SPNS1: variants seen among roughly 807,000 people sequenced by gnomAD.
SPNS1 encodes the protein protein spinster homolog 1.
A neutral mutation model predicts 50.3 loss-of-function variants in SPNS1; 22 were observed. The ratio of observed to expected loss-of-function variants is 0.44; its 90% confidence interval spans 0.31 to 0.62. The LOEUF (loss-of-function observed/expected upper bound fraction) is 0.62. Ranked by LOEUF, SPNS1 falls within the 20% of genes least tolerant of loss-of-function variation. The pLI is 0.07. For synonymous variants in SPNS1, 295 were observed against 317.4 expected (o/e 0.93, Z 0.75); for missense variants, 576 against 728.6 (o/e 0.79, Z 2.41).
chr16:28,976,420 A>G (rs945339059), intron 2 of SPNS1, among the ~76,000 whole-genome samples: 1 of 152,022 alleles, frequency 6.6e-6, no homozygotes, highest in Non-Finnish European at 1.5e-5. Flanking sequence ...TTTCTCAACC[A>G]TTTCTGAGTA....
At chr16:28,976,734 CTGGAGCAATGAGAA>C (rs1357678028) in intron 2 of SPNS1, among the ~76,000 whole-genome samples, 1 of 152,154 alleles carries the variant, frequency 6.6e-6, no homozygotes, top group African/African-American at 2.4e-5. Flanking sequence ...GAGGTGAAGT[CTGGAGCAATGAGAA>C]TGGGATCATA....
At chr16:28,978,874 C>G in intron 3 of SPNS1, 1 of 390,646 alleles carries the variant, frequency 2.6e-6, no homozygotes, top group Non-Finnish European at 4.6e-6. Context: ...CAGGGGTTGT[C>G]TTATTTAGAC....
In SPNS1 at chr16:28,983,796, G is replaced by A. The variant is rs766318180; in HGVS notation, c.1331G>A (p.Arg444His). The change falls in exon 11 of 12, where the codon CGC becomes CAC. Residue 444 changes from arginine (R) to histidine (H), a missense_variant. Arg to His is a conservative substitution (Grantham distance 29, BLOSUM62 0). Coordinates refer to ENST00000311008, the MANE Select transcript of SPNS1 (RefSeq NM_032038.3). The surrounding 1 kb of genome is among the most constrained non-coding windows in gnomAD (Gnocchi z 5.4). Reference protein sequence around the residue: ...SPYLIGLISDRLRRNWPPSFL... With the variant: ...SPYLIGLISDHLRRNWPPSFL... ...CTCCTCTCCCTGCAGATCTCTGACC[G>A]CCTGCGCCGGAACTGGCCCCCCTCC... 8.8e-6 allele frequency: 14 copies of A among 1,591,290 alleles called. No individual in the cohort carries two copies. Among genetic ancestry groups the A allele is most frequent in the South Asian group, 2.2e-5 (2 of 89,360 alleles).
chr16:28,978,076 C>A, intron 3 of SPNS1, 32 bp downstream of exon 3: 1 of 1,604,074 alleles, frequency 6.2e-7, no homozygotes, highest in Non-Finnish European at 8.5e-7. Context: ...TGTTTCTGCC[C>A]ACACCCCCTC....
intron 9 of SPNS1, 73 bp downstream of exon 9, chr16:28,982,995 C>T: frequency 6.5e-7 from 1 of 1,530,348 alleles, no homozygotes; most frequent in Non-Finnish European, 9.0e-7. Flanking sequence ...AGTGTTGCCT[C>T]TACCCCTCAA....
At chr16:28,982,328 A>C in intron 7 of SPNS1, 28 bp from the exon 8 acceptor site, 1 of 1,539,166 alleles carries the variant, frequency 6.5e-7, no homozygotes, top group Non-Finnish European at 8.8e-7. Flanking sequence ...ACAGGGACAA[A>C]CCCCCCATTC....
Position 28,977,928 on chromosome 16 carries a change from G to A in SPNS1, c.328G>A (p.Val110Met). ...CCTAGTGTTCATCTCCAGTTACATG[G>A]TGTTGGCACCTGTGTTTGGCTACCT... ...IQTVFISSYM[V>M]LAPVFGYLGD... Residue 110 changes from valine (V) to methionine (M), a missense_variant, in exon 3 of 12, where the codon GTG becomes ATG. Transcript: ENST00000311008. The A allele has an allele frequency of 6.2e-7, 1 of 1,613,864 alleles. No individual in the cohort carries two copies. The highest frequency in any genetic ancestry group is 1.1e-5 in the South Asian group (1 of 91,062).
chr16:28,982,696 C>G (rs1965596090), intron 8 of SPNS1, 151 bp downstream of exon 8: 3 of 1,252,786 alleles, frequency 2.4e-6, no homozygotes, highest in Admixed American at 3.8e-5. Context: ...CTTAACCTCT[C>G]TGTGCTCAGT....
Position 28,984,426 on chromosome 16 carries a change from C to T in SPNS1, c.*127C>T, listed in dbSNP as rs1965687832. The T allele has an allele frequency of 1.1e-6, 1 of 941,888 alleles. No individual in the cohort carries two copies. The highest frequency in any genetic ancestry group is 2.6e-5 in the East Asian group (1 of 38,368). 58.3% of individuals were successfully genotyped at this position (941,888 alleles called of 1,614,324 possible). ...GGACCCTGGGCCGTGTGCCAGCTCCCAGACACTACCTGGGTAGCTCAGGGG... is the reference window on the plus strand; with the variant it reads ...GGACCCTGGGCCGTGTGCCAGCTCCTAGACACTACCTGGGTAGCTCAGGGG... On this transcript the variant is annotated 3_prime_UTR_variant, in exon 12 of 12. Transcript: ENST00000311008.
At position 28,984,410 on chromosome 16, in the gene SPNS1, G is replaced by A. The variant is rs1224256264; in HGVS notation, c.*111G>A. 9.1e-7 allele frequency: 1 copy of A among 1,103,684 alleles called. No homozygotes were observed. The highest frequency in any genetic ancestry group is 1.5e-5 in the African/African-American group (1 of 64,614). 68.4% of individuals were successfully genotyped at this position (1,103,684 alleles called of 1,614,324 possible). A position where few individuals can be genotyped will look rare whatever the true frequency, so the allele number is the denominator to read the frequency against. On this transcript the variant is annotated 3_prime_UTR_variant, in exon 12 of 12. Transcript: ENST00000311008. ...GGCCCAGCTTCCAGAGGGACCCTGGGCCGTGTGCCAGCTCCCAGACACTAC... is the reference window on the plus strand; with the variant it reads ...GGCCCAGCTTCCAGAGGGACCCTGGACCGTGTGCCAGCTCCCAGACACTAC...
In SPNS1 at chr16:28,975,565, G is replaced by T; in HGVS notation, c.307+8G>T. On this transcript the variant is annotated splice_region_variant and intron_variant, in intron 2 of 11. Coordinates refer to ENST00000311008, the MANE Select transcript of SPNS1 (RefSeq NM_032038.3). The stretch of plus-strand genomic sequence containing the variant: ...CTGGGCTCATCCAGACCGGTGAGTG[G>T]GGACCACTCCTGGTCACACAGCCGC... 1 of 1,614,116 alleles carries T rather than the reference G, an allele frequency of 6.2e-7. No homozygotes were observed. The highest frequency in any genetic ancestry group is 8.5e-7 in the Non-Finnish European group (1 of 1,179,982).
At chr16:28,978,921 AGTT>A (rs1321687908) in intron 3 of SPNS1, 5 of 570,346 alleles carry the variant, frequency 8.8e-6, no homozygotes, top group Admixed American at 6.4e-5. Context: ...CTCTGTGAAA[AGTT>A]GTTGTTATCC....
chr16:28,983,604 C>T lies in SPNS1; in HGVS notation c.1321-182C>T, dbSNP rs550517396. ...GCAGCCTCGACCTCCTGGGCTCAAG[C>T]GATCCTCCCACCTCAGCCTCCTGAG... On this transcript the variant is annotated intron_variant, in intron 10 of 11. Transcript: ENST00000311008. The surrounding 1 kb of genome is among the most constrained non-coding windows in gnomAD (Gnocchi z 5.4). Among the ~76,000 whole-genome samples, 9 of 152,274 alleles carry T rather than the reference C, an allele frequency of 5.9e-5. No individual in the cohort carries two copies. The East Asian group carries it at 7.7e-4, about 13-fold the overall frequency.
At chr16:28,982,969 C>CA (rs780318800) in intron 9 of SPNS1, 47 bp downstream of exon 9, 8 of 1,602,514 alleles carry the variant, frequency 5.0e-6, no homozygotes, top group South Asian at 3.3e-5. Context: ...CTGATGAGAG[C>CA]AGAGTTGGGG....
chr16:28,978,845 C>A, intron 3 of SPNS1: 6 of 295,490 alleles, frequency 2.0e-5, no homozygotes, highest in Non-Finnish European at 3.2e-5. Flanking sequence ...AATTAAAAAA[C>A]TTTCCCCTAC....
Position 28,978,059 on chromosome 16 carries a change from T to A in SPNS1, c.444+15T>A. 6.2e-7 allele frequency: 1 copy of A among 1,610,444 alleles called. No homozygotes were observed. Among genetic ancestry groups the A allele is most frequent in the Non-Finnish European group, 8.5e-7 (1 of 1,177,692 alleles). On this transcript the variant is annotated intron_variant, in intron 3 of 11. Coordinates refer to ENST00000311008, the MANE Select transcript of SPNS1 (RefSeq NM_032038.3). ...TCCCCGGAGAGGTGAGGCCCCAAGC[T>A]GGCTCCTGTTTCTGCCCACACCCCC...
In SPNS1 at chr16:28,983,782, G is replaced by A. The variant is rs776771216; in HGVS notation, c.1321-4G>A. 101 of 1,580,750 alleles carry A rather than the reference G, an allele frequency of 6.4e-5. No homozygotes were observed. Among genetic ancestry groups the A allele is most frequent in the Non-Finnish European group, 8.7e-5 (101 of 1,164,832 alleles). ...CCTGGCTTTCCTGTCTCCTCTCCCT[G>A]CAGATCTCTGACCGCCTGCGCCGGA... On this transcript the variant is annotated splice_region_variant and splice_polypyrimidine_tract_variant and intron_variant, in intron 10 of 11. Coordinates refer to ENST00000311008, the MANE Select transcript of SPNS1 (RefSeq NM_032038.3). The surrounding 1 kb of genome is among the most constrained non-coding windows in gnomAD (Gnocchi z 5.4).
At chr16:28,982,296 C>T in intron 7 of SPNS1, 60 bp from the exon 8 acceptor site, 1 of 1,512,242 alleles carries the variant, frequency 6.6e-7, no homozygotes, top group Non-Finnish European at 8.9e-7. Flanking sequence ...CTAGGATGGA[C>T]AGCGTAGGGG....
rs201490940 is a variant in SPNS1, at chr16:28,983,859, T to C, written c.1394T>C (p.Met465Thr). 1.6e-4 allele frequency: 250 copies of C among 1,604,564 alleles called. 1 individual carries two copies. The highest frequency in any genetic ancestry group is 8.3e-4 in the Middle Eastern group (5 of 6,058). ...TTCCGGGCTCTGCAGTTCTCGCTCA[T>C]GCTCTGCGCGTTTGTTGGGGCACTG... ...SEFRALQFSL[M>T]LCAFVGALGG... The change falls in exon 11 of 12, where the codon ATG (methionine) becomes ACG (threonine). Residue 465 changes from methionine (M) to threonine (T), a missense_variant. Met to Thr is a moderately conservative substitution (Grantham distance 81). This residue lies in a region of SPNS1 where 428 missense variants were observed against 520.1 expected (regional missense o/e 0.82). Coordinates refer to ENST00000311008, the MANE Select transcript of SPNS1 (RefSeq NM_032038.3). The surrounding 1 kb of genome is among the most constrained non-coding windows in gnomAD (Gnocchi z 5.4).
Sources: gnomAD v4.1 joint callset for allele counts (sites outside exome capture counted in the v4.1 genomes callset) on GRCh38, gnomAD v4.1.1 for gene constraint, gnomAD v4.1.1 regional missense constraint, Gnocchi (gnomAD v3.1) non-coding constraint, MANE v1.5 for transcripts, NCBI Gene and HGNC (gene_info 2026-07-23, HGNC 2026-07-21) for gene names.